The following CDIN1 variants were observed in gnomAD, a reference collection of about 807,000 sequenced individuals.
CDIN1 encodes CDAN1-interacting nuclease 1.
In CDIN1, 33 loss-of-function variants were observed where a neutral mutation model predicts 45.3. That is an observed-to-expected ratio of 0.73 (90% CI 0.55 to 0.97). CDIN1 has a LOEUF of 0.97. CDIN1 is among the 50% of genes least tolerant of loss of function. The pLI is 0.00. For missense variants in CDIN1, 303 were observed against 339.4 expected (o/e 0.89, Z 0.84); for synonymous variants, 118 against 124.4 (o/e 0.95, Z 0.34).
chr15:36,723,196 T>C (rs1283496153), intron 10 of CDIN1, among the ~76,000 whole-genome samples: 2 of 145,738 alleles, frequency 1.4e-5, no homozygotes, highest in Non-Finnish European at 3.0e-5. Flanking sequence ...TTCCTTCCCA[T>C]TTGTTGCTGG....
At chr15:36,685,466 C>A (rs1202942178) in intron 5 of CDIN1, among the ~76,000 whole-genome samples, 1 of 151,874 alleles carries the variant, frequency 6.6e-6, no homozygotes, top group Non-Finnish European at 1.5e-5. Context: ...AATTTCTGTT[C>A]TTTTACATTT....
intron 10 of CDIN1, among the ~76,000 whole-genome samples, chr15:36,787,137 T>A (rs943017253): frequency 1.3e-5 from 2 of 152,188 alleles, no homozygotes; most frequent in African/African-American, 4.8e-5. Flanking sequence ...TATTTCCAGA[T>A]TTATTCTTTT....
Position 36,714,734 on chromosome 15 carries a change from C to T in CDIN1, c.716+4773C>T, listed in dbSNP as rs573463925. On this transcript the variant is annotated intron_variant, in intron 10 of 10. Transcript: ENST00000566621. ...GCCCAGCCTGCATATCCAAGCTCCA[C>T]GTACATTCCCATGAACCACTGCTCT... 9.2e-5 allele frequency among the ~76,000 whole-genome samples: 14 copies of T among 152,264 alleles called. No individual in the cohort carries two copies. The South Asian group carries it at 2.7e-3, about 29-fold the overall frequency.
chr15:36,668,177 GGT>G (rs935151952), intron 5 of CDIN1: 10 of 152,074 alleles, frequency 6.6e-5, no homozygotes, highest in Middle Eastern at 3.4e-3. Context: ...TCCTTGTCTT[GGT>G]TCATTGCCTA....
At chr15:36,694,682 C>T (rs957526364) in intron 7 of CDIN1, among the ~76,000 whole-genome samples, 1 of 152,138 alleles carries the variant, frequency 6.6e-6, no homozygotes, top group Non-Finnish European at 1.5e-5. Flanking sequence ...AACCAGCCAC[C>T]TCAACTTTCC....
chr15:36,682,281 A>C (rs1047336412), intron 5 of CDIN1, among the ~76,000 whole-genome samples: 9 of 152,184 alleles, frequency 5.9e-5, no homozygotes, highest in Admixed American at 1.3e-4. Flanking sequence ...CCAAGGTTTC[A>C]GTTAGAGTTC....
chr15:36,709,972 A>G lies in CDIN1; in HGVS notation c.716+11A>G, dbSNP rs777080551. Reference sequence around the variant, plus strand: ...GAGCTACTGGAATAGGTAAGGTCTCATTATTTTTCTTTTAAGATAAACGAT... The same window carrying G: ...GAGCTACTGGAATAGGTAAGGTCTCGTTATTTTTCTTTTAAGATAAACGAT... On this transcript the variant is annotated intron_variant, in intron 10 of 10. Transcript: ENST00000566621. The G allele has an allele frequency of 1.1e-5, 18 of 1,575,422 alleles. No individual in the cohort carries two copies. The highest frequency in any genetic ancestry group is 1.7e-4 in the Middle Eastern group (1 of 5,940).
intron 8 of CDIN1, among the ~76,000 whole-genome samples, chr15:36,701,299 A>G (rs2042636534): frequency 6.6e-6 from 1 of 152,128 alleles, no homozygotes; most frequent in African/African-American, 2.4e-5. Flanking sequence ...TACCTCTGCT[A>G]AGGGTTCACT....
intron 10 of CDIN1, among the ~76,000 whole-genome samples, chr15:36,797,652 C>A (rs1015284460): frequency 3.5e-5 from 5 of 141,392 alleles, no homozygotes; most frequent in Middle Eastern, 3.2e-3. Flanking sequence ...ACAACTTGGA[C>A]ATATTTTTAA....
intron 9 of CDIN1, 60 bp from the exon 10 acceptor site, chr15:36,709,796 G>A (rs2042991612): frequency 3.7e-6 from 5 of 1,348,230 alleles, no homozygotes; most frequent in African/African-American, 1.4e-5. Flanking sequence ...CCTGTACAGA[G>A]TTCAGAATTT....
intron 10 of CDIN1, among the ~76,000 whole-genome samples, chr15:36,777,118 T>C (rs2054239220): frequency 6.6e-6 from 1 of 152,188 alleles, no homozygotes; most frequent in Non-Finnish European, 1.5e-5. Context: ...TGGTTGTTGA[T>C]GGGCACATTT....
intron 10 of CDIN1, among the ~76,000 whole-genome samples, chr15:36,805,952 CTTAA>C (rs766785181): frequency 1.5e-3 from 224 of 152,266 alleles, no homozygotes; most frequent in Non-Finnish European, 2.3e-3. Context: ...TTTCCTCATT[CTTAA>C]TTAATTAGAG....
At chr15:36,655,335 T>C (rs2040739568) in intron 4 of CDIN1, among the ~76,000 whole-genome samples, 3 of 151,726 alleles carry the variant, frequency 2.0e-5, no homozygotes, top group Non-Finnish European at 4.4e-5. Flanking sequence ...GCTTTTTTTT[T>C]TTCTTTTTTT....
At chr15:36,701,167 TAGA>T (rs1566912751) in intron 8 of CDIN1, among the ~76,000 whole-genome samples, 3 of 149,838 alleles carry the variant, frequency 2.0e-5, no homozygotes, top group Non-Finnish European at 4.4e-5. Flanking sequence ...GATAGATAGA[TAGA>T]TAGATATGAG....
At chr15:36,610,134 T>C (rs529518484) in intron 1 of CDIN1, among the ~76,000 whole-genome samples, 8 of 152,288 alleles carry the variant, frequency 5.3e-5, no homozygotes, top group East Asian at 1.9e-4. Context: ...CAAACTATAA[T>C]ATAGGAAATA....
intron 1 of CDIN1, chr15:36,617,917 T>G: frequency 1.3e-6 from 1 of 765,886 alleles, no homozygotes. Context: ...TCAATACATT[T>G]TTTGCTAAGA....
chr15:36,693,714 G>A (rs1363081455), intron 7 of CDIN1, among the ~76,000 whole-genome samples: 30 of 152,124 alleles, frequency 2.0e-4, no homozygotes, highest in African/African-American at 7.2e-5. Context: ...AGATGCTTAC[G>A]GGAAACTAGA....
At chr15:36,703,345 T>TATATATATATATATCTG (rs2140793242) in intron 8 of CDIN1, among the ~76,000 whole-genome samples, 2 of 124,764 alleles carry the variant, frequency 1.6e-5, no homozygotes, top group African/African-American at 7.1e-5. Context: ...ATCTATCAGA[T>TATATATATATATATCTG]ATATACATAT....
intron 10 of CDIN1, among the ~76,000 whole-genome samples, chr15:36,727,321 A>G (rs531470002): frequency 6.6e-6 from 1 of 150,982 alleles, no homozygotes; most frequent in African/African-American, 2.4e-5. Flanking sequence ...TCTGTCAGAA[A>G]AGCTCATCTT....
Sources: allele counts gnomAD v4.1 joint callset (sites outside exome capture counted in the v4.1 genomes callset), GRCh38; gene constraint gnomAD v4.1.1; transcripts MANE v1.5; gene names NCBI Gene and HGNC (gene_info 2026-07-23, HGNC 2026-07-21).